The following STXBP5L variants were observed in gnomAD, a reference collection of about 807,000 sequenced individuals.
STXBP5L encodes syntaxin binding protein 5L.
In STXBP5L, 65 loss-of-function variants were observed where a neutral mutation model predicts 144.5. The ratio of observed to expected loss-of-function variants is 0.45; its 90% CI spans 0.37 to 0.55. The LOEUF (loss-of-function observed/expected upper bound fraction) is 0.55, where lower values mean the gene tolerates loss of function less well. STXBP5L is among the 20% of genes least tolerant of loss of function. STXBP5L has a pLI of 0.00. For missense variants in STXBP5L, 1,298 were observed against 1,405.5 expected (o/e 0.92, Z 1.22); for synonymous variants, 505 against 469.6 (o/e 1.08, Z -0.97).
At chr3:121,050,370 G>C (rs956477496) in intron 5 of STXBP5L, among the ~76,000 whole-genome samples, 9 of 152,060 alleles carry the variant, frequency 5.9e-5, no homozygotes, top group African/African-American at 2.2e-4. Flanking sequence ...AAATTTCAAG[G>C]ATATCAAAAA....
At chr3:121,142,293 T>C (rs992742638) in intron 7 of STXBP5L, among the ~76,000 whole-genome samples, 7 of 151,970 alleles carry the variant, frequency 4.6e-5, no homozygotes, top group African/African-American at 1.4e-4. Flanking sequence ...GAGAAATAGA[T>C]AGCAATGCAA....
At chr3:121,062,039 G>A (rs2041307779) in intron 5 of STXBP5L, among the ~76,000 whole-genome samples, 1 of 152,178 alleles carries the variant, frequency 6.6e-6, no homozygotes, top group Non-Finnish European at 1.5e-5. Flanking sequence ...CCTGTTAGTT[G>A]ATGTAGTTTC....
At chr3:121,168,186 C>T (rs1048448530) in intron 9 of STXBP5L, among the ~76,000 whole-genome samples, 3 of 152,128 alleles carry the variant, frequency 2.0e-5, no homozygotes, top group African/African-American at 7.2e-5. Flanking sequence ...ATGTCACCAA[C>T]ATCAAAGACC....
intron 3 of STXBP5L, among the ~76,000 whole-genome samples, chr3:121,029,068 T>A (rs992644565): frequency 1.3e-5 from 2 of 152,116 alleles, no homozygotes; most frequent in Non-Finnish European, 2.9e-5. Context: ...TGCTCATGGA[T>A]AGGAAGAATC....
chr3:121,279,150 G>A (rs1314758499), intron 18 of STXBP5L, among the ~76,000 whole-genome samples: 1 of 151,686 alleles, frequency 6.6e-6, no homozygotes, highest in Non-Finnish European at 1.5e-5. Context: ...TATGCCTAAT[G>A]GTTAAGATAA....
chr3:121,288,937 AAGAAG>A (rs2051322366), intron 19 of STXBP5L, among the ~76,000 whole-genome samples: 1 of 152,138 alleles, frequency 6.6e-6, no homozygotes, highest in South Asian at 2.1e-4. Context: ...CATGGACAAA[AAGAAG>A]TGAACAACAG....
At chr3:121,246,710 T>C (rs936299736) in intron 14 of STXBP5L, among the ~76,000 whole-genome samples, 5 of 151,986 alleles carry the variant, frequency 3.3e-5, no homozygotes, top group Non-Finnish European at 7.4e-5. Context: ...GGTGAAGGGG[T>C]AAGTAGAGCA....
intron 3 of STXBP5L, among the ~76,000 whole-genome samples, chr3:121,039,595 C>A (rs1238499517): frequency 1.3e-5 from 2 of 151,746 alleles, no homozygotes; most frequent in Non-Finnish European, 2.9e-5. Context: ...TGCCTGAAGA[C>A]CCTCTTTCAC....
At chr3:121,008,134 A>G (rs554220585) in intron 3 of STXBP5L, among the ~76,000 whole-genome samples, 6 of 151,852 alleles carry the variant, frequency 4.0e-5, no homozygotes, top group Admixed American at 3.9e-4. Context: ...AGTACTTGTT[A>G]AGCTGTGCTT....
At position 121,402,357 on chromosome 3, in the gene STXBP5L, G is replaced by A. The variant is rs1428058913; in HGVS notation, c.2588-4886G>A. 2.0e-5 allele frequency among the ~76,000 whole-genome samples: 3 copies of A among 152,240 alleles called. No individual in the cohort carries two copies. In the East Asian group the frequency reaches 5.8e-4, roughly 29 times the overall value. ...ACAATGTATGTAAGGGAAAAGGAAA[G>A]CAAATATCTCAGGCTCCTTAAGACT... is the stretch of plus-strand genomic sequence containing the variant. On this transcript the variant is annotated intron_variant, in intron 22 of 26. Coordinates refer to ENST00000471454, the MANE Select transcript of STXBP5L (RefSeq NM_001308330.2).
chr3:121,390,730 G>A (rs200424530), intron 22 of STXBP5L, among the ~76,000 whole-genome samples: 1 of 152,188 alleles, frequency 6.6e-6, no homozygotes, highest in Admixed American at 6.5e-5. Context: ...CTTCTGGCTT[G>A]TAGAGTTTCT....
intron 5 of STXBP5L, among the ~76,000 whole-genome samples, chr3:121,110,740 G>A (rs1222948249): frequency 3.3e-5 from 5 of 152,078 alleles, no homozygotes. Flanking sequence ...TCTTACTGGG[G>A]TTCTCTGGAT....
chr3:121,361,126 C>A (rs930338260), intron 20 of STXBP5L, among the ~76,000 whole-genome samples: 1 of 152,170 alleles, frequency 6.6e-6, no homozygotes, highest in African/African-American at 2.4e-5. Context: ...TTTCTCCTAT[C>A]CTGTAAAGTT....
At chr3:121,118,124 T>A (rs995869675) in intron 6 of STXBP5L, among the ~76,000 whole-genome samples, 2 of 151,738 alleles carry the variant, frequency 1.3e-5, no homozygotes, top group Non-Finnish European at 3.0e-5. Context: ...TGATAGATAC[T>A]AGAAACAACT....
chr3:121,026,351 C>A (rs774090090), intron 3 of STXBP5L, among the ~76,000 whole-genome samples: 1 of 151,968 alleles, frequency 6.6e-6, no homozygotes, highest in Non-Finnish European at 1.5e-5. Context: ...ACTAACAGAG[C>A]CTTTCCTTAA....
intron 20 of STXBP5L, among the ~76,000 whole-genome samples, chr3:121,364,045 G>A (rs747570334): frequency 2.6e-5 from 4 of 152,056 alleles, no homozygotes; most frequent in Non-Finnish European, 5.9e-5. Flanking sequence ...TGTTTATGAA[G>A]TCCAGTTGTC....
intron 7 of STXBP5L, among the ~76,000 whole-genome samples, chr3:121,128,369 G>C (rs1236232694): frequency 6.6e-6 from 1 of 152,112 alleles, no homozygotes; most frequent in Non-Finnish European, 1.5e-5. Context: ...GGATGATAAT[G>C]TTAAAATGAA....
At chr3:121,313,159 G>A (rs1308230424) in intron 19 of STXBP5L, among the ~76,000 whole-genome samples, 2 of 144,138 alleles carry the variant, frequency 1.4e-5, no homozygotes, top group African/African-American at 2.6e-5. Context: ...CCCAGTAGGG[G>A]CGGCCGGGCA....
chr3:121,105,374 A>C (rs1225929095), intron 5 of STXBP5L, among the ~76,000 whole-genome samples: 3 of 148,866 alleles, frequency 2.0e-5, no homozygotes, highest in Non-Finnish European at 4.5e-5. Context: ...CCAGCCTGGC[A>C]ACAGAGTGAG....
Sources: allele counts gnomAD v4.1 joint callset (sites outside exome capture counted in the v4.1 genomes callset), GRCh38; gene constraint gnomAD v4.1.1; transcripts MANE v1.5; gene names NCBI Gene and HGNC (gene_info 2026-07-23, HGNC 2026-07-21).